The following UNC5C variants were observed in gnomAD, a reference collection of about 807,000 sequenced individuals.
UNC5C encodes netrin receptor UNC5C.
Under a neutral mutation model 99.8 loss-of-function variants are expected in UNC5C, and 47 were observed. The ratio of observed to expected loss-of-function variants is 0.47; its 90% confidence interval spans 0.37 to 0.60. The LOEUF is 0.60. Among genes scored for constraint, UNC5C ranks in the 20% least tolerant of loss-of-function variants. UNC5C has a pLI of 0.00. For synonymous variants in UNC5C, 487 were observed against 452.2 expected, an observed-to-expected ratio of 1.08 and a Z score of -0.98; for missense variants, 1,062 against 1,165.9, an observed-to-expected ratio of 0.91 and a Z score of 1.30.
intron 4 of UNC5C, among the ~76,000 whole-genome samples, chr4:95,252,874 G>C (rs1324284019): frequency 6.6e-6 from 1 of 152,202 alleles, no homozygotes; most frequent in Non-Finnish European, 1.5e-5. Context: ...TTTGCTTTCT[G>C]ATGGTTCAGT....
intron 15 of UNC5C, 70 bp from the exon 16 acceptor site, chr4:95,169,469 T>G (rs1029250138): frequency 1.8e-5 from 27 of 1,541,336 alleles, no homozygotes; most frequent in Non-Finnish European, 2.4e-5. Flanking sequence ...AGCTAAACCT[T>G]TCTGTCTCTC....
At position 95,335,624 on chromosome 4, in the gene UNC5C, G is replaced by A; in HGVS notation, c.132C>T (p.Asp44=). 6.2e-7 allele frequency: 1 copy of A among 1,604,992 alleles called. No individual in the cohort carries two copies. Residue 44 remains aspartate (D), a synonymous_variant, in exon 2 of 16, where the codon GAC becomes GAT. Transcript: ENST00000453304. ...AAGTTTCTGGGAGTTCATGAAAAAA[G>A]TCATCATCTGAGAAAGAAGAAGAAA... ...SGTGSAAQDD[D]FFHELPETFP... is the part of the protein sequence containing the mutation.
In UNC5C at chr4:95,242,515, G is replaced by A. The variant is rs775796452; in HGVS notation, c.1022C>T (p.Thr341Met). The change falls in exon 7 of 16, where the codon ACG becomes ATG. Residue 341 changes from threonine to methionine, a missense_variant. Around this residue, in one of 3 missense-constraint regions of UNC5C, gnomAD observed 810 missense variants for 854.5 expected, o/e 0.95. Coordinates refer to ENST00000453304, the MANE Select transcript of UNC5C (RefSeq NM_003728.4). ...ECTHWRRREC[T>M]APAPKNGGKD... ...GCCTCCATTCTTGGGGGCTGGCGCC[G>A]TGCACTCCCTCCTGCGCCAGTGGGT... 20 of 1,612,918 alleles carry A rather than the reference G, an allele frequency of 1.2e-5. No individual in the cohort carries two copies. The highest frequency in any genetic ancestry group is 1.6e-5 in the Non-Finnish European group (19 of 1,179,554).
intron 1 of UNC5C, among the ~76,000 whole-genome samples, chr4:95,456,624 A>G (rs1453731342): frequency 6.6e-6 from 1 of 152,174 alleles, no homozygotes; most frequent in Non-Finnish European, 1.5e-5. Context: ...CATATTAAGG[A>G]AATAACAAAA....
rs144116315 is a variant in UNC5C, at chr4:95,517,385, G to A, written c.124+31349C>T. 5.1e-4 allele frequency among the ~76,000 whole-genome samples: 78 copies of A among 151,950 alleles called. 2 individuals are homozygous for A. In the East Asian group the frequency reaches 0.014, roughly 26 times the overall value. The stretch of plus-strand genomic sequence containing the variant: ...TTCAGGCTGACTATGCATAAATATC[G>A]GACTACCTGAGGTAGGGTGCCTAGC... On this transcript the variant is annotated intron_variant, in intron 1 of 15. Transcript: ENST00000453304.
intron 1 of UNC5C, among the ~76,000 whole-genome samples, chr4:95,516,491 A>G (rs955854911): frequency 6.6e-6 from 1 of 152,226 alleles, no homozygotes; most frequent in Non-Finnish European, 1.5e-5. Context: ...CTGACTTTTC[A>G]GATTACAAAG....
chr4:95,177,111 T>C (rs1736393706), intron 14 of UNC5C, among the ~76,000 whole-genome samples: 1 of 152,124 alleles, frequency 6.6e-6, no homozygotes, highest in African/African-American at 2.4e-5. Context: ...TCACGCACGG[T>C]GCGCGCACCC....
At chr4:95,545,105 G>A (rs1362440706) in intron 1 of UNC5C, among the ~76,000 whole-genome samples, 1 of 152,182 alleles carries the variant, frequency 6.6e-6, no homozygotes, top group East Asian at 1.9e-4. Flanking sequence ...AGGGGGGGTT[G>A]CTTAAAATAG....
intron 1 of UNC5C, among the ~76,000 whole-genome samples, chr4:95,371,635 C>T (rs1455321078): frequency 6.6e-6 from 1 of 152,030 alleles, no homozygotes; most frequent in Non-Finnish European, 1.5e-5. Context: ...ATAACTGAAT[C>T]GCCAGCTTCA....
At chr4:95,222,369 A>G in intron 7 of UNC5C, 1 of 657,658 alleles carries the variant, frequency 1.5e-6, no homozygotes, top group Non-Finnish European at 2.4e-6. Flanking sequence ...AGGAAAAGAA[A>G]CCTGTGGTCT....
At chr4:95,263,769 G>T (rs1393619316) in intron 4 of UNC5C, among the ~76,000 whole-genome samples, 1 of 152,164 alleles carries the variant, frequency 6.6e-6, no homozygotes, top group Non-Finnish European at 1.5e-5. Flanking sequence ...AGGTTCTTGT[G>T]AGGTTTGAAA....
chr4:95,529,764 C>A (rs1246039869), intron 1 of UNC5C, among the ~76,000 whole-genome samples: 1 of 151,998 alleles, frequency 6.6e-6, no homozygotes, highest in Non-Finnish European at 1.5e-5. Context: ...TTTAAAAATT[C>A]CCTAGCGAGA....
intron 4 of UNC5C, among the ~76,000 whole-genome samples, chr4:95,256,280 T>G (rs1241245585): frequency 6.6e-6 from 1 of 152,166 alleles, no homozygotes; most frequent in Non-Finnish European, 1.5e-5. Flanking sequence ...TATATCCAAC[T>G]GTCTTCATGC....
intron 1 of UNC5C, among the ~76,000 whole-genome samples, chr4:95,380,443 ATTTTTTTTTTTT>A (rs10560399): frequency 7.5e-6 from 1 of 132,924 alleles, no homozygotes; most frequent in Non-Finnish European, 1.6e-5. Flanking sequence ...CTTAAGAAAC[ATTTTTTTTTTTT>A]TTTTTTGAGA....
At chr4:95,267,374 A>C (rs1740488009) in intron 4 of UNC5C, among the ~76,000 whole-genome samples, 1 of 152,212 alleles carries the variant, frequency 6.6e-6, no homozygotes, top group Non-Finnish European at 1.5e-5. Flanking sequence ...TAAAATAAGC[A>C]AATTAGTGTC....
intron 1 of UNC5C, among the ~76,000 whole-genome samples, chr4:95,375,941 T>C (rs1340033049): frequency 6.6e-6 from 1 of 152,022 alleles, no homozygotes; most frequent in African/African-American, 2.4e-5. Context: ...TAGTCCCAGC[T>C]ACTCAGGAGG....
chr4:95,321,167 A>G (rs1388686018), intron 2 of UNC5C, among the ~76,000 whole-genome samples: 1 of 152,200 alleles, frequency 6.6e-6, no homozygotes, highest in Non-Finnish European at 1.5e-5. Context: ...ATTAAATTAA[A>G]ATTACATAGT....
chr4:95,262,204 T>C (rs1419188099), intron 4 of UNC5C, among the ~76,000 whole-genome samples: 1 of 152,212 alleles, frequency 6.6e-6, no homozygotes, highest in Non-Finnish European at 1.5e-5. Flanking sequence ...CAAATCCTTT[T>C]TGCAAATCAG....
intron 1 of UNC5C, among the ~76,000 whole-genome samples, chr4:95,529,458 G>GA (rs903315329): frequency 9.9e-5 from 15 of 151,570 alleles, no homozygotes; most frequent in African/African-American, 3.6e-4. Flanking sequence ...CAGGTGCAGT[G>GA]GCTCATGCTT....
Sources: allele counts gnomAD v4.1 joint callset (sites outside exome capture counted in the v4.1 genomes callset), GRCh38; gene constraint gnomAD v4.1.1; regional missense constraint gnomAD v4.1.1; transcripts MANE v1.5; gene names NCBI Gene and HGNC (gene_info 2026-07-23, HGNC 2026-07-21).